The following YARS1 variants were observed in gnomAD, a reference collection of about 807,000 sequenced individuals.
YARS1 encodes the protein tyrosine--tRNA ligase, cytoplasmic.
A neutral mutation model predicts 62.2 loss-of-function variants in YARS1; 36 were observed. That is an observed-to-expected ratio of 0.58 (90% CI 0.44 to 0.76). The LOEUF (loss-of-function observed/expected upper bound fraction) is 0.76, where lower values mean the gene tolerates loss of function less well. Ranked by LOEUF, YARS1 falls within the 30% of genes least tolerant of loss-of-function variation. The pLI is 0.00. For missense variants in YARS1, 524 were observed against 639.8 expected (o/e 0.82, Z 1.95); for synonymous variants, 234 against 244.9 (o/e 0.96, Z 0.42).
At chr1:32,801,798 C>G (rs999793407) in intron 4 of YARS1, among the ~76,000 whole-genome samples, 18 of 152,206 alleles carry the variant, frequency 1.2e-4, no homozygotes, top group African/African-American at 4.3e-4. Context: ...ACAGAATCCT[C>G]ACCAGTAGTT....
intron 1 of YARS1, among the ~76,000 whole-genome samples, chr1:32,815,431 T>C (rs959774291): frequency 2.9e-4 from 44 of 152,312 alleles, no homozygotes; most frequent in African/African-American, 1.0e-3. Flanking sequence ...ACCAGCACTA[T>C]TTTATGGAGA....
In YARS1 at chr1:32,790,304, C is replaced by G. The variant is rs536409245; in HGVS notation, c.684+858G>C. Among the ~76,000 whole-genome samples the G allele has an allele frequency of 2.7e-5, 4 of 145,978 alleles. No homozygotes were observed. The South Asian group carries it at 8.7e-4, about 32-fold the overall frequency. ...TGGGTGGATCACGAGGTCAGGAGAT[C>G]GAGACCATCCTGGCTAATACAGTGA... On this transcript the variant is annotated intron_variant, in intron 6 of 12. Transcript: ENST00000373477.
chr1:32,780,144 G>T lies in YARS1; in HGVS notation c.1275C>A (p.Asn425Lys). The T allele has an allele frequency of 6.2e-7, 1 of 1,614,130 alleles. No homozygotes were observed. The highest frequency in any genetic ancestry group is 1.1e-5 in the South Asian group (1 of 91,066). The change falls in exon 11 of 13, where the codon AAC (asparagine) becomes AAA (lysine). Residue 425 changes from asparagine (N) to lysine (K), a missense_variant. Asn to Lys is a moderately conservative substitution (Grantham distance 94). Coordinates refer to ENST00000373477, the MANE Select transcript of YARS1 (RefSeq NM_003680.4). ...CTCCTCTCATCTTCTGGGGTTTCAG[G>T]TTGCACAGCACCACTACCAGCCTGT... ...LQDRLVVVLCNLKPQKMRGVE... is the reference protein window; with the variant it reads ...LQDRLVVVLCKLKPQKMRGVE...
intron 5 of YARS1, among the ~76,000 whole-genome samples, chr1:32,795,651 C>CA (rs1653557859): frequency 1.3e-5 from 2 of 149,638 alleles, no homozygotes; most frequent in East Asian, 2.0e-4. Context: ...ACTAAAAATA[C>CA]AAAAATTAGC....
intron 10 of YARS1, chr1:32,780,711 A>G: frequency 4.7e-6 from 2 of 428,346 alleles, no homozygotes; most frequent in East Asian, 1.0e-4. Flanking sequence ...CACTTTCTGA[A>G]GGGGGCAAAG....
At position 32,775,996 on chromosome 1, in the gene YARS1, C is replaced by T. The variant is rs1434917472; in HGVS notation, c.1572G>A (p.Gly524=). The change falls in exon 13 of 13, where the codon GGG becomes GGA. Residue 524 remains glycine, a synonymous_variant. Coordinates refer to ENST00000373477, the MANE Select transcript of YARS1 (RefSeq NM_003680.4). ...GCTGGGCTGGCTAGCTAATGTTCCC[C>T]CCTTTCAGCGATTTACAGGAAATGG... The part of the protein sequence containing the change: ...LGSISCKSLK[G]GNIS The T allele has an allele frequency of 1.9e-6, 3 of 1,613,994 alleles. No homozygotes were observed. Among genetic ancestry groups the T allele is most frequent in the Admixed American group, 3.3e-5 (2 of 59,988 alleles).
intron 3 of YARS1, among the ~76,000 whole-genome samples, chr1:32,808,098 G>C (rs986558362): frequency 1.3e-5 from 2 of 151,942 alleles, no homozygotes; most frequent in African/African-American, 4.8e-5. Flanking sequence ...GTAGAGATGA[G>C]GTCTCGCTAC....
chr1:32,782,200 CAAA>C, intron 9 of YARS1: 3 of 748,466 alleles, frequency 4.0e-6, no homozygotes, highest in Admixed American at 5.2e-5. Context: ...AATGCCGGTA[CAAA>C]AGGATGTGAT....
intron 7 of YARS1, chr1:32,786,659 T>A (rs1031970508): frequency 1.4e-6 from 1 of 703,244 alleles, no homozygotes; most frequent in Non-Finnish European, 2.4e-6. Flanking sequence ...GTGGCTTATA[T>A]CTATTTTGTT....
At chr1:32,793,129 T>C (rs1465755749) in intron 5 of YARS1, among the ~76,000 whole-genome samples, 4 of 151,750 alleles carry the variant, frequency 2.6e-5, no homozygotes, top group Non-Finnish European at 5.9e-5. Flanking sequence ...ATAGAACATA[T>C]CCAAAGTAAA....
chr1:32,796,928 G>A (rs1303619996), intron 5 of YARS1, among the ~76,000 whole-genome samples: 1 of 117,234 alleles, frequency 8.5e-6, no homozygotes, highest in Non-Finnish European at 1.6e-5. Flanking sequence ...GTGAGCCATT[G>A]CACTCCAGCC....
At chr1:32,808,237 T>G (rs1279077336) in intron 3 of YARS1, among the ~76,000 whole-genome samples, 2 of 150,290 alleles carry the variant, frequency 1.3e-5, no homozygotes, top group Non-Finnish European at 3.0e-5. Flanking sequence ...TTTTTTTTTT[T>G]GAAACAGAGT....
chr1:32,785,451 ACT>A (rs1457870649), intron 8 of YARS1, among the ~76,000 whole-genome samples: 2 of 146,516 alleles, frequency 1.4e-5, no homozygotes, highest in Admixed American at 1.4e-4. Context: ...ACAGAGTGAG[ACT>A]CTGTCTCAAA....
intron 4 of YARS1, among the ~76,000 whole-genome samples, chr1:32,800,303 A>C (rs762558632): frequency 6.6e-6 from 1 of 152,032 alleles, no homozygotes; most frequent in Non-Finnish European, 1.5e-5. Flanking sequence ...CTTGGAAAAT[A>C]TCTCTTTGAG....
intron 3 of YARS1, among the ~76,000 whole-genome samples, chr1:32,810,116 A>AT (rs1638550760): frequency 6.6e-6 from 1 of 152,076 alleles, no homozygotes; most frequent in Non-Finnish European, 1.5e-5. Context: ...CAAAAAAAAA[A>AT]AAAAAGAGTA....
At chr1:32,808,606 T>A (rs751036966) in intron 3 of YARS1, among the ~76,000 whole-genome samples, 26 of 152,260 alleles carry the variant, frequency 1.7e-4, no homozygotes, top group Non-Finnish European at 3.2e-4. Flanking sequence ...TCTTGGAGAA[T>A]AAAAACCATG....
intron 4 of YARS1, among the ~76,000 whole-genome samples, chr1:32,800,274 G>T (rs1052280745): frequency 6.6e-6 from 1 of 151,962 alleles, no homozygotes. Context: ...CAGCCACTGC[G>T]CCCAGCTCCA....
Position 32,776,531 on chromosome 1 carries a change from C to G in YARS1, c.1477-440G>C, listed in dbSNP as rs1383986983. Among the ~76,000 whole-genome samples the G allele has an allele frequency of 6.6e-6, 1 of 152,206 alleles. No individual in the cohort carries two copies. The highest frequency in any genetic ancestry group is 1.5e-5 in the Non-Finnish European group (1 of 68,040). ...GTTTGTCAAAAGCTTTCACATTCAT[C>G]TTTTGACTCAAGTAAGTTCATTTTA... On this transcript the variant is annotated intron_variant, in intron 12 of 12. Transcript: ENST00000373477. The surrounding 1 kb of genome is among the most constrained non-coding windows in gnomAD (Gnocchi z 4.0).
At chr1:32,797,670 T>C in intron 5 of YARS1, 93 bp downstream of exon 5, 1 of 1,081,320 alleles carries the variant, frequency 9.2e-7, no homozygotes, top group East Asian at 2.4e-5. Flanking sequence ...TACCATACAC[T>C]ATGACTAGTG....
Sources: allele counts gnomAD v4.1 joint callset (sites outside exome capture counted in the v4.1 genomes callset), GRCh38; gene constraint gnomAD v4.1.1; non-coding constraint Gnocchi (gnomAD v3.1); transcripts MANE v1.5; gene names NCBI Gene and HGNC (gene_info 2026-07-23, HGNC 2026-07-21).